KLRF2: variants seen among roughly 807,000 people sequenced by gnomAD.
KLRF2 encodes killer cell lectin like receptor F2, also known as killer cell lectin-like receptor subfamily F member 2.
In KLRF2, 28 loss-of-function variants were observed where a neutral mutation model predicts 25.3. The observed-to-expected ratio is 1.11, with a 90% CI of 0.82 to 1.52. The LOEUF (loss-of-function observed/expected upper bound fraction) is 1.52. Ranked by LOEUF, KLRF2 falls within the 40% of genes most tolerant of loss-of-function variation. The pLI, the probability that KLRF2 is intolerant of heterozygous loss-of-function variation, is 0.00. For synonymous variants in KLRF2, 73 were observed against 85.0 expected, an observed-to-expected ratio of 0.86 and a Z score of 0.78; for missense variants, 265 against 245.8, an observed-to-expected ratio of 1.08 and a Z score of -0.52.
chr12:9,890,597 A>C (rs1862664892), intron 3 of KLRF2, among the ~76,000 whole-genome samples: 1 of 152,228 alleles, frequency 6.6e-6, no homozygotes, highest in African/African-American at 2.4e-5. Context: ...AACAGGAGTT[A>C]TCTCTCTCTT....
At chr12:9,887,189 C>G (rs1862608385) in intron 2 of KLRF2, among the ~76,000 whole-genome samples, 1 of 151,564 alleles carries the variant, frequency 6.6e-6, no homozygotes, top group Non-Finnish European at 1.5e-5. Context: ...AGAGTAAAAG[C>G]AAAACCAAAA....
At chr12:9,893,624 T>C in intron 5 of KLRF2, 83 bp downstream of exon 5, 1 of 501,002 alleles carries the variant, frequency 2.0e-6, no homozygotes, top group Non-Finnish European at 3.4e-6. Context: ...CATTCTTTTT[T>C]CCTTCTTTCT....
intron 1 of KLRF2, among the ~76,000 whole-genome samples, chr12:9,882,109 A>G (rs1457988376): frequency 1.3e-5 from 2 of 148,804 alleles, no homozygotes; most frequent in East Asian, 1.9e-4. Context: ...GAGAAGAGAG[A>G]AAAAAAAACA....
chr12:9,885,287 A>G (rs1046779905), intron 2 of KLRF2, among the ~76,000 whole-genome samples: 4 of 151,656 alleles, frequency 2.6e-5, no homozygotes, highest in Non-Finnish European at 5.9e-5. Context: ...ATCTTTACTA[A>G]AAGAGTATGT....
At chr12:9,890,534 C>T (rs962834985) in intron 3 of KLRF2, among the ~76,000 whole-genome samples, 11 of 152,176 alleles carry the variant, frequency 7.2e-5, no homozygotes, top group Non-Finnish European at 1.2e-4. Context: ...GCATTTACCA[C>T]GTGTCACTCT....
At chr12:9,892,284 A>G (rs1478743831) in intron 3 of KLRF2, among the ~76,000 whole-genome samples, 2 of 152,262 alleles carry the variant, frequency 1.3e-5, no homozygotes, top group Non-Finnish European at 2.9e-5. Context: ...CGAAAAGCAC[A>G]GGAGAATAAG....
chr12:9,894,101 CTCTTTT>C (rs1314030816), intron 5 of KLRF2, among the ~76,000 whole-genome samples: 9 of 147,862 alleles, frequency 6.1e-5, no homozygotes, highest in African/African-American at 2.3e-4. Flanking sequence ...TTCTCTTTCT[CTCTTTT>C]TCTTTTTCTT....
intron 1 of KLRF2, among the ~76,000 whole-genome samples, chr12:9,883,204 C>A (rs1018532125): frequency 2.0e-5 from 3 of 152,130 alleles, no homozygotes; most frequent in African/African-American, 4.8e-5. Flanking sequence ...TAAAGTTACA[C>A]CTATTCCTTA....
chr12:9,883,844 AT>A (rs781684015), intron 1 of KLRF2, among the ~76,000 whole-genome samples: 2 of 152,232 alleles, frequency 1.3e-5, no homozygotes, highest in African/African-American at 2.4e-5. Flanking sequence ...GAAGTAAAGC[AT>A]CCACACAGAA....
intron 3 of KLRF2, among the ~76,000 whole-genome samples, chr12:9,889,811 CA>C (rs1424330823): frequency 6.6e-6 from 1 of 151,942 alleles, no homozygotes; most frequent in Non-Finnish European, 1.5e-5. Context: ...ACTAAGCTAA[CA>C]GAGTTAGAGT....
chr12:9,887,944 T>C (rs1416964242), intron 2 of KLRF2, among the ~76,000 whole-genome samples: 2 of 149,528 alleles, frequency 1.3e-5, no homozygotes, highest in African/African-American at 4.9e-5. Context: ...TACTCCCAAC[T>C]ACTTGGGAAG....
chr12:9,885,349 A>ATC (rs1491289650), intron 2 of KLRF2, among the ~76,000 whole-genome samples: 1 of 140,492 alleles, frequency 7.1e-6, no homozygotes, highest in Non-Finnish European at 1.6e-5. Context: ...ATATATATAT[A>ATC]TTAAGACCCA....
chr12:9,895,615 G>A, intron 5 of KLRF2, 74 bp from the exon 6 acceptor site: 1 of 1,360,674 alleles, frequency 7.3e-7, no homozygotes, highest in Non-Finnish European at 9.7e-7. Flanking sequence ...ATAAAAGTTT[G>A]GCTGGAGAAA....
At chr12:9,888,228 C>T (rs1475422098) in intron 2 of KLRF2, among the ~76,000 whole-genome samples, 1 of 151,850 alleles carries the variant, frequency 6.6e-6, no homozygotes, top group East Asian at 1.9e-4. Context: ...TGGTGGCTCA[C>T]ACCTGTAATC....
chr12:9,886,666 T>G (rs1250124163), intron 2 of KLRF2, among the ~76,000 whole-genome samples: 1 of 149,964 alleles, frequency 6.7e-6, no homozygotes. Context: ...TGAAGCAAAC[T>G]AATTAAGTGA....
At chr12:9,894,122 T>TTTTTTCTCTCTCTC (rs775130804) in intron 5 of KLRF2, among the ~76,000 whole-genome samples, 1 of 96,138 alleles carries the variant, frequency 1.0e-5, no homozygotes, top group African/African-American at 4.5e-5. Context: ...TTTCTTTCTT[T>TTTTTTCTCTCTCTC]TCTTTCTCTC....
chr12:9,893,348 C>A, intron 4 of KLRF2, 81 bp from the exon 5 acceptor site: 1 of 813,266 alleles, frequency 1.2e-6, no homozygotes, highest in Non-Finnish European at 1.9e-6. Context: ...TTTATTAATG[C>A]CGGCACAGAG....
chr12:9,883,583 A>G (rs1177680764), intron 1 of KLRF2, among the ~76,000 whole-genome samples: 1 of 152,228 alleles, frequency 6.6e-6, no homozygotes, highest in African/African-American at 2.4e-5. Context: ...CTACAGATCC[A>G]TATACCCTTG....
chr12:9,894,597 G>A (rs771437833), intron 5 of KLRF2, among the ~76,000 whole-genome samples: 8 of 152,086 alleles, frequency 5.3e-5, no homozygotes, highest in Admixed American at 2.0e-4. Context: ...GAAGGGTCAC[G>A]TTTAGACATT....
Sources: allele counts gnomAD v4.1 joint callset (sites outside exome capture counted in the v4.1 genomes callset), GRCh38; gene constraint gnomAD v4.1.1; transcripts MANE v1.5; gene names NCBI Gene and HGNC (gene_info 2026-07-23, HGNC 2026-07-21).